Variants in PHLPP2 observed in about 807,000 individuals in gnomAD.
PHLPP2 encodes PH domain leucine-rich repeat-containing protein phosphatase 2.
PHLPP2 carries 66 observed loss-of-function variants against 124.9 expected under a neutral mutation model. That is an observed-to-expected ratio of 0.53 (90% CI 0.43 to 0.65). The LOEUF (loss-of-function observed/expected upper bound fraction) is 0.65, where lower values mean the gene tolerates loss of function less well. Ranked by LOEUF, PHLPP2 falls within the 30% of genes least tolerant of loss-of-function variation. The pLI is 0.00. For synonymous variants in PHLPP2, 681 were observed against 624.7 expected (o/e 1.09, Z -1.34); for missense variants, 1,685 against 1,600.4 (o/e 1.05, Z -0.90).
In PHLPP2 at chr16:71,649,968, T is replaced by C. The variant is rs918013782; in HGVS notation, c.2894A>G (p.Lys965Arg). 3 of 1,613,922 alleles carry C rather than the reference T, an allele frequency of 1.9e-6. No homozygotes were observed. Among genetic ancestry groups the C allele is most frequent in the African/African-American group, 2.7e-5 (2 of 74,934 alleles). Residue 965 changes from lysine (K) to arginine (R), a missense_variant, in exon 19 of 19, where the codon AAG (lysine) becomes AGG (arginine). By Grantham distance (26) the Lys-to-Arg change is conservative (BLOSUM62 2). Transcript: ENST00000568954. ...CAGCGGAGTGGAAGATATGTGGGGC[T>C]TGGGGAGGATCCAAGGGTAGAGGTA... ...CTYLYPWILP[K>R]PHISSTPLTI... is the part of the protein sequence containing the mutation.
At chr16:71,701,817 C>T (rs1433158061) in intron 3 of PHLPP2, among the ~76,000 whole-genome samples, 3 of 152,156 alleles carry the variant, frequency 2.0e-5, no homozygotes, top group Admixed American at 1.3e-4. Context: ...TTTATTACAG[C>T]ATATTGCTAT....
At chr16:71,723,895 C>G (rs1333556753) in intron 1 of PHLPP2, 9 of 955,078 alleles carry the variant, frequency 9.4e-6, no homozygotes, top group African/African-American at 5.3e-5. Context: ...CAGAGACGCC[C>G]GGCCCGCGCG....
intron 1 of PHLPP2, among the ~76,000 whole-genome samples, chr16:71,721,478 C>A (rs555505883): frequency 6.6e-6 from 1 of 152,244 alleles, no homozygotes; most frequent in East Asian, 1.9e-4. Flanking sequence ...CAGGCATGTG[C>A]CTATAGTCCT....
At chr16:71,669,163 G>T in intron 11 of PHLPP2, 112 bp downstream of exon 11, 1 of 658,522 alleles carries the variant, frequency 1.5e-6, no homozygotes, top group Non-Finnish European at 2.7e-6. Context: ...ATGCTCAGCA[G>T]GTACTCAACA....
chr16:71,708,001 T>C (rs1049150883), intron 2 of PHLPP2, among the ~76,000 whole-genome samples: 3 of 152,142 alleles, frequency 2.0e-5, no homozygotes, highest in Non-Finnish European at 4.4e-5. Context: ...CTCACCCCTG[T>C]AATACGAGCA....
intron 8 of PHLPP2, chr16:71,678,529 A>G: frequency 2.0e-6 from 1 of 489,960 alleles, no homozygotes; most frequent in Admixed American, 3.6e-5. Context: ...AGTCCCAACT[A>G]CTCGGGAGGC....
Position 71,679,404 on chromosome 16 carries a change from A to G in PHLPP2, c.1022T>C (p.Ile341Thr), listed in dbSNP as rs751484332. Reference sequence around the variant, plus strand: ...AGTTACTTACTTTAGCAGATTGCCAATTTGACTTGGTAGGTCATGAAATCC... The same window carrying G: ...AGTTACTTACTTTAGCAGATTGCCAGTTTGACTTGGTAGGTCATGAAATCC... ...CNGFHDLPSQ[I>T]GNLLNLQTLC... Residue 341 changes from isoleucine to threonine, a missense_variant, in exon 7 of 19, where the codon ATT (isoleucine) becomes ACT (threonine). Coordinates refer to ENST00000568954, the MANE Select transcript of PHLPP2 (RefSeq NM_015020.3). 4.3e-6 allele frequency: 7 copies of G among 1,614,044 alleles called. No individual in the cohort carries two copies. The East Asian group carries it at 1.1e-4, about 26-fold the overall frequency.
chr16:71,661,837 T>A (rs903017452), intron 13 of PHLPP2, among the ~76,000 whole-genome samples: 1 of 151,966 alleles, frequency 6.6e-6, no homozygotes, highest in Non-Finnish European at 1.5e-5. Flanking sequence ...TGTTTTGTTT[T>A]TTTTGAGATG....
intron 1 of PHLPP2, chr16:71,723,739 G>T: frequency 9.0e-7 from 1 of 1,116,090 alleles, no homozygotes; most frequent in Non-Finnish European, 1.2e-6. Context: ...TCGCCCGCTC[G>T]CTCGCTCGCT....
At chr16:71,723,678 G>T in intron 1 of PHLPP2, 1 of 544,734 alleles carries the variant, frequency 1.8e-6, no homozygotes, top group Non-Finnish European at 2.8e-6. Flanking sequence ...CGGGGCGGGG[G>T]CGGCAGCGGC....
Position 71,655,414 on chromosome 16 carries a change from G to A in PHLPP2, c.2411C>T (p.Ala804Val), listed in dbSNP as rs768389481. ...QRNKLCVSALAMDSFAEGVGA... is the reference protein window; with the variant it reads ...QRNKLCVSALVMDSFAEGVGA... ...CACCCCCTCTGCAAAGCTATCCATA[G>A]CAAGTGCTGAGACACACAGCCTATA... The change falls in exon 17 of 19, where the codon GCT (alanine) becomes GTT (valine). Residue 804 changes from alanine (A) to valine (V), a missense_variant. Physicochemically the swap from Ala to Val is moderately conservative, Grantham distance 64 (BLOSUM62 0). Coordinates refer to ENST00000568954, the MANE Select transcript of PHLPP2 (RefSeq NM_015020.3). 5 of 1,613,378 alleles carry A rather than the reference G, an allele frequency of 3.1e-6. No homozygotes were observed. The African/African-American group carries it at 5.3e-5, about 17-fold the overall frequency.
chr16:71,676,773 G>C, intron 8 of PHLPP2, 124 bp from the exon 9 acceptor site: 1 of 690,196 alleles, frequency 1.4e-6, no homozygotes, highest in Non-Finnish European at 2.5e-6. Context: ...TTTTGAGATG[G>C]AGTTTCACTG....
intron 5 of PHLPP2, among the ~76,000 whole-genome samples, chr16:71,683,192 G>A (rs1008008316): frequency 1.3e-5 from 2 of 151,602 alleles, no homozygotes; most frequent in African/African-American, 4.8e-5. Context: ...GAAAAGAAAA[G>A]TCATTCATGT....
Position 71,652,863 on chromosome 16 carries a change from G to A in PHLPP2, c.2744C>T (p.Ser915Phe). 1 of 1,614,162 alleles carries A rather than the reference G, an allele frequency of 6.2e-7. No individual in the cohort carries two copies. The highest frequency in any genetic ancestry group is 2.2e-5 in the East Asian group (1 of 44,872). The change falls in exon 18 of 19, where the codon TCT becomes TTT. Residue 915 changes from serine (S) to phenylalanine (F), a missense_variant. Coordinates refer to ENST00000568954, the MANE Select transcript of PHLPP2 (RefSeq NM_015020.3). Reference protein sequence around the residue: ...LCRGGKPVPLSKVFSLEQDPE... With the variant: ...LCRGGKPVPLFKVFSLEQDPE... ...GTCCTGCTCCAGGCTGAAGACTTTA[G>A]AGAGGGGCACTGGCTTCCCACCTCG...
intron 10 of PHLPP2, among the ~76,000 whole-genome samples, chr16:71,669,655 G>A (rs1179690762): frequency 6.6e-6 from 1 of 152,248 alleles, no homozygotes; most frequent in African/African-American, 2.4e-5. Context: ...AAGCACACTT[G>A]TGGTGGGATG....
At chr16:71,670,695 A>ACACACACACACACACACAC (rs372978115) in intron 10 of PHLPP2, among the ~76,000 whole-genome samples, 2 of 128,940 alleles carry the variant, frequency 1.6e-5, no homozygotes, top group African/African-American at 5.9e-5. Context: ...AGAGGCTGAA[A>ACACACACACACACACACAC]ACACACACAC....
rs1003380400 is a variant in PHLPP2, at chr16:71,648,251, CA to C, written c.*638del. On this transcript the variant is annotated 3_prime_UTR_variant, in exon 19 of 19. Coordinates refer to ENST00000568954, the MANE Select transcript of PHLPP2 (RefSeq NM_015020.3). ...CCACAGAAATAGTCCCTTTCCTGCC[CA>C]GGCAGGCAAATTCTCAAAATGATCC... The C allele has an allele frequency of 6.5e-6, 1 of 154,108 alleles. No individual in the cohort carries two copies. Among genetic ancestry groups the C allele is most frequent in the African/African-American group, 2.4e-5 (1 of 41,486 alleles). 9.5% of individuals were successfully genotyped at this position (154,108 alleles called of 1,614,324 possible). A position where few individuals can be genotyped will look rare whatever the true frequency, so the allele number is the denominator to read the frequency against.
intron 17 of PHLPP2, among the ~76,000 whole-genome samples, chr16:71,654,221 A>C (rs1045236977): frequency 6.6e-6 from 1 of 150,484 alleles, no homozygotes; most frequent in African/African-American, 2.4e-5. Context: ...AAAAAAAAAA[A>C]AAAAAAACTA....
intron 4 of PHLPP2, among the ~76,000 whole-genome samples, chr16:71,685,711 T>A (rs1171631670): frequency 6.6e-6 from 1 of 152,220 alleles, no homozygotes; most frequent in Admixed American, 6.5e-5. Flanking sequence ...TGTTTTAGCA[T>A]AATCTTTTAA....
Sources: gnomAD v4.1 joint callset for allele counts (sites outside exome capture counted in the v4.1 genomes callset) on GRCh38, gnomAD v4.1.1 for gene constraint, MANE v1.5 for transcripts, NCBI Gene and HGNC (gene_info 2026-07-23, HGNC 2026-07-21) for gene names.